NDUFA10: variants seen among roughly 807,000 people sequenced by gnomAD.
NDUFA10 encodes the protein NADH dehydrogenase [ubiquinone] 1 alpha subcomplex subunit 10, mitochondrial.
Under a neutral mutation model 47.8 loss-of-function variants are expected in NDUFA10, and 40 were observed. The ratio of observed to expected loss-of-function variants is 0.84; its 90% confidence interval spans 0.65 to 1.09. The LOEUF (loss-of-function observed/expected upper bound fraction) is 1.09, where lower values mean the gene tolerates loss of function less well. NDUFA10 is among the 50% of genes least tolerant of loss of function. The pLI is 0.00. For missense variants in NDUFA10, 413 were observed against 451.1 expected (o/e 0.92, Z 0.76); for synonymous variants, 183 against 172.2 (o/e 1.06, Z -0.49).
chr2:239,907,781 A>G (rs567262498), intron 4 of NDUFA10, among the ~76,000 whole-genome samples: 60 of 152,280 alleles, frequency 3.9e-4, no homozygotes, highest in African/African-American at 1.3e-3. Context: ...AAATAGGAAC[A>G]CTTTTACACT....
chr2:240,005,171 AC>A (rs1696894739), intron 8 of NDUFA10, 38 bp downstream of exon 8: 2 of 1,530,098 alleles, frequency 1.3e-6, no homozygotes, highest in African/African-American at 2.7e-5. Flanking sequence ...ATGCAAGTAG[AC>A]CCCAGACATG....
chr2:239,924,869 A>G (rs1401106944), intron 4 of NDUFA10, among the ~76,000 whole-genome samples: 8 of 152,160 alleles, frequency 5.3e-5, no homozygotes, highest in African/African-American at 1.2e-4. Flanking sequence ...GCTGCAGGAT[A>G]CAAGAACAAC....
rs540276000 is a variant in NDUFA10 at position 240,022,353 on chromosome 2, A to G, written c.76-13T>C. Reference sequence around the variant, plus strand: ...TATGAATTCCTCTCTGAAAAACACAAAATCACACAGCAGCACATTGTGACC... The same window carrying G: ...TATGAATTCCTCTCTGAAAAACACAGAATCACACAGCAGCACATTGTGACC... On this transcript the variant is annotated splice_polypyrimidine_tract_variant and intron_variant, in intron 1 of 9. Coordinates refer to ENST00000252711, the MANE Select transcript of NDUFA10 (RefSeq NM_004544.4). 2 of 1,614,048 alleles carry G rather than the reference A, an allele frequency of 1.2e-6. No homozygotes were observed. The highest frequency in any genetic ancestry group is 2.2e-5 in the East Asian group (1 of 44,862).
intron 4 of NDUFA10, among the ~76,000 whole-genome samples, chr2:239,930,830 C>T (rs1369868466): frequency 1.6e-4 from 19 of 121,338 alleles, no homozygotes; most frequent in South Asian, 2.9e-4. Flanking sequence ...GTCAGGAGGC[C>T]GCAGGGTCCT....
chr2:239,999,786 C>T (rs1435190724), intron 8 of NDUFA10, among the ~76,000 whole-genome samples: 1 of 152,236 alleles, frequency 6.6e-6, no homozygotes, highest in Non-Finnish European at 1.5e-5. Flanking sequence ...CAAAGTTATA[C>T]TGATGGAGAG....
At chr2:240,015,232 T>G (rs1697301618) in intron 4 of NDUFA10, among the ~76,000 whole-genome samples, 1 of 152,248 alleles carries the variant, frequency 6.6e-6, no homozygotes, top group African/African-American at 2.4e-5. Flanking sequence ...TTAGCACATC[T>G]TAGCCACATT....
intron 4 of NDUFA10, among the ~76,000 whole-genome samples, chr2:239,942,188 G>C (rs777311076): frequency 1.3e-5 from 2 of 152,240 alleles, no homozygotes; most frequent in African/African-American, 4.8e-5. Flanking sequence ...CCTCTACCAC[G>C]TTTACCTTTA....
At position 239,929,022 on chromosome 2, in the gene NDUFA10, T is replaced by C. The variant is rs1356733393; in HGVS notation, c.295-33708A>G. ...TGCTCCCCACTGGCGCCCGGTGAGC[T>C]GAAGACAAGAACCAAAGCAGGCTTG... is the stretch of plus-strand genomic sequence containing the variant. On this transcript the variant is annotated intron_variant, in intron 4 of 5. Transcript: ENST00000419408. Among the ~76,000 whole-genome samples, 26 of 152,222 alleles carry C rather than the reference T, an allele frequency of 1.7e-4. 1 individual carries two copies. Among genetic ancestry groups the C allele is most frequent in the Admixed American group, 1.7e-3 (26 of 15,284 alleles).
Position 239,987,852 on chromosome 2 carries a change from T to G in NDUFA10, c.999+2222A>C, listed in dbSNP as rs1476700485. On this transcript the variant is annotated intron_variant, in intron 9 of 9. Coordinates refer to ENST00000252711, the MANE Select transcript of NDUFA10 (RefSeq NM_004544.4). This position sits in a 1 kb window ranked among gnomAD's most constrained non-coding sequence, Gnocchi z 4.8. ...ATGCAAAACATGCGAGTGGGTACTC[T>G]GCTCTGGAACTGGAAAGCTAATTGA... 1.3e-5 allele frequency among the ~76,000 whole-genome samples: 2 copies of G among 152,156 alleles called. No individual in the cohort carries two copies. The highest frequency in any genetic ancestry group is 3.9e-4 in the East Asian group (2 of 5,194).
intron 8 of NDUFA10, among the ~76,000 whole-genome samples, chr2:239,991,540 A>AG (rs1310068266): frequency 6.6e-6 from 1 of 152,232 alleles, no homozygotes; most frequent in African/African-American, 2.4e-5. Flanking sequence ...AAGTTTGTGA[A>AG]GGGCATAAAG....
At chr2:239,921,357 T>C (rs1190381908) in intron 4 of NDUFA10, among the ~76,000 whole-genome samples, 1 of 149,304 alleles carries the variant, frequency 6.7e-6, no homozygotes, top group Non-Finnish European at 1.5e-5. Flanking sequence ...AGAACAAAGC[T>C]TCTACAGCGT....
rs148829605 is a variant in NDUFA10, at chr2:239,959,175, T to C, written c.*1943A>G. ...CATACTTCCCACTCCATCAAGGGAA[T>C]GCAACCACACAGGGTCAGACGCAAA... On this transcript the variant is annotated 3_prime_UTR_variant, in exon 10 of 10. Transcript: ENST00000252711. The C allele has an allele frequency of 1.5e-3, 1,510 of 985,426 alleles. 6 individuals carry two copies. Among genetic ancestry groups the C allele is most frequent in the Middle Eastern group, 6.8e-3 (13 of 1,914 alleles). 61.0% of individuals were successfully genotyped at this position (985,426 alleles called of 1,614,324 possible). A position where few individuals can be genotyped will look rare whatever the true frequency, so the allele number is the denominator to read the frequency against.
chr2:239,983,419 T>G, intron 9 of NDUFA10: 1 of 1,465,794 alleles, frequency 6.8e-7, no homozygotes, highest in Non-Finnish European at 9.1e-7. Context: ...AAATGGTCAT[T>G]ATTATTTATT....
chr2:239,901,060 G>A (rs1050060782), intron 4 of NDUFA10, among the ~76,000 whole-genome samples: 1 of 152,232 alleles, frequency 6.6e-6, no homozygotes, highest in Non-Finnish European at 1.5e-5. Context: ...CATAGCTAGA[G>A]AGAAGTCAAT....
Position 239,899,047 on chromosome 2 carries a change from G to A in NDUFA10, c.295-3733C>T, listed in dbSNP as rs1485681856. Among the ~76,000 whole-genome samples, 20 of 55,304 alleles carry A rather than the reference G, an allele frequency of 3.6e-4. 1 individual carries two copies. The highest frequency in any genetic ancestry group is 8.2e-4 in the East Asian group (1 of 1,224). 36.3% of individuals were successfully genotyped at this position (55,304 alleles called of 152,430 possible). On this transcript the variant is annotated intron_variant, in intron 4 of 5. Transcript: ENST00000419408. ...ATGGAGGGGTGTAAAGGAGGGGTGT[G>A]ATGGAGGAGTGTGATGGAGGGGTGT... is the stretch of plus-strand genomic sequence containing the variant.
intron 4 of NDUFA10, among the ~76,000 whole-genome samples, chr2:239,912,141 G>A (rs908276844): frequency 1.3e-5 from 2 of 152,174 alleles, no homozygotes; most frequent in Non-Finnish European, 2.9e-5. Flanking sequence ...GGAACATTCA[G>A]GCCTCAGTCC....
rs556103201 is a variant in NDUFA10 at position 239,917,290 on chromosome 2, C to T, written c.295-21976G>A. 3.3e-5 allele frequency among the ~76,000 whole-genome samples: 5 copies of T among 152,332 alleles called. No individual in the cohort carries two copies. The East Asian group carries it at 9.6e-4, about 29-fold the overall frequency. On this transcript the variant is annotated intron_variant, in intron 4 of 5. Transcript: ENST00000419408. ...GGCAAGGCCCACACCCATGAAAAGTCTTGATAAACACTGTCTTAAGAAGCT... is the reference window on the plus strand; with the variant it reads ...GGCAAGGCCCACACCCATGAAAAGTTTTGATAAACACTGTCTTAAGAAGCT...
In NDUFA10 at chr2:240,021,278, T is replaced by G. The variant is rs757371996; in HGVS notation, c.379A>C (p.Asn127His). ...AACCAGGACTGCAGGCGGTAACTGT[T>G]GCCATCATTGCTTCTCGGATCATCG... ...FYDDPRSNDGNSYRLQSWLYS... is the reference protein window; with the variant it reads ...FYDDPRSNDGHSYRLQSWLYS... Residue 127 changes from asparagine (N) to histidine (H), a missense_variant, in exon 3 of 10, where the codon AAC becomes CAC. Transcript: ENST00000252711. 2.5e-6 allele frequency: 4 copies of G among 1,614,128 alleles called. No homozygotes were observed. Among genetic ancestry groups the G allele is most frequent in the Non-Finnish European group, 8.5e-7 (1 of 1,180,040 alleles).
chr2:239,905,767 C>G (rs1008311841), intron 4 of NDUFA10, among the ~76,000 whole-genome samples: 4 of 148,150 alleles, frequency 2.7e-5, no homozygotes, highest in Admixed American at 1.4e-4. Context: ...AGGGATGAGG[C>G]TAATTATCTC....
Sources: gnomAD v4.1 joint callset for allele counts (sites outside exome capture counted in the v4.1 genomes callset) on GRCh38, gnomAD v4.1.1 for gene constraint, Gnocchi (gnomAD v3.1) non-coding constraint, MANE v1.5 for transcripts, NCBI Gene and HGNC (gene_info 2026-07-23, HGNC 2026-07-21) for gene names.